Variants in FOXP2 observed in about 807,000 individuals in gnomAD.
The protein encoded by FOXP2 is forkhead box P2.
FOXP2 carries 12 observed loss-of-function variants against 115.8 expected under a neutral mutation model. That is an observed-to-expected ratio of 0.10 (90% confidence interval 0.07 to 0.17). FOXP2 has a LOEUF of 0.17. Ranked by LOEUF, FOXP2 falls within the 10% of genes least tolerant of loss-of-function variation. The pLI is 1.00. For missense variants in FOXP2, 629 were observed against 843.5 expected, an observed-to-expected ratio of 0.75 and a Z score of 3.15; for synonymous variants, 328 against 297.7, an observed-to-expected ratio of 1.10 and a Z score of -1.05.
rs1387268736 is a variant in FOXP2 at position 114,415,013 on chromosome 7, C to T, written c.-358C>T. On this transcript the variant is annotated 5_prime_UTR_variant, in exon 1 of 17. Transcript: ENST00000350908. ...TGGCTCAGTCTTGAACCTTTGTCAC[C>T]CCTCACGTTGCACACCAAAGACATA... 2.2e-6 allele frequency: 1 copy of T among 449,096 alleles called. No individual in the cohort carries two copies. The highest frequency in any genetic ancestry group is 2.4e-5 in the Admixed American group (1 of 42,288). 27.8% of individuals were successfully genotyped at this position (449,096 alleles called of 1,614,324 possible).
At chr7:114,546,232 C>A (rs79639717) in intron 3 of FOXP2, among the ~76,000 whole-genome samples, 2,437 of 152,254 alleles carry the variant, frequency 0.016, 39 homozygotes, top group Non-Finnish European at 0.025. Flanking sequence ...ATGTTTTCAT[C>A]AGCTTTTCCT....
chr7:114,176,298 T>TTA (rs1793303279), intron 1 of FOXP2, among the ~76,000 whole-genome samples: 1 of 76,516 alleles, frequency 1.3e-5, no homozygotes, highest in Non-Finnish European at 2.5e-5. Flanking sequence ...CTTTCTTTCT[T>TTA]TCTCTCTCTC....
At chr7:114,611,700 G>A (rs540639234) in intron 3 of FOXP2, among the ~76,000 whole-genome samples, 5 of 151,890 alleles carry the variant, frequency 3.3e-5, no homozygotes, top group Admixed American at 6.6e-5. Flanking sequence ...CGCTATAATC[G>A]CAATTCCTTT....
chr7:114,540,610 A>G (rs1799608814), intron 3 of FOXP2, among the ~76,000 whole-genome samples: 2 of 152,068 alleles, frequency 1.3e-5, no homozygotes, highest in Admixed American at 1.3e-4. Context: ...AATGGGAAAA[A>G]CAGAAAGAAC....
chr7:114,416,440 A>AAATTCAT (rs1554388540), intron 1 of FOXP2: 5 of 150,114 alleles, frequency 3.3e-5, no homozygotes, highest in African/African-American at 4.9e-5. Context: ...AATAACGCCT[A>AAATTCAT]AATTTCATCC....
At chr7:114,325,734 C>T (rs1047739862) in intron 2 of FOXP2, among the ~76,000 whole-genome samples, 2 of 151,964 alleles carry the variant, frequency 1.3e-5, no homozygotes, top group East Asian at 1.9e-4. Flanking sequence ...GAAATATTTT[C>T]TGTATAGACC....
At chr7:114,593,056 T>TA (rs1175928840) in intron 3 of FOXP2, among the ~76,000 whole-genome samples, 1 of 152,004 alleles carries the variant, frequency 6.6e-6, no homozygotes, top group East Asian at 1.9e-4. Context: ...TATTGACTGC[T>TA]AAAAAATCAT....
chr7:114,642,810 ATATT>A (rs1390438953), intron 7 of FOXP2, among the ~76,000 whole-genome samples, 187 bp downstream of exon 7: 36 of 75,750 alleles, frequency 4.8e-4, no homozygotes, highest in African/African-American at 2.1e-3. Context: ...ATATATATAT[ATATT>A]TTTTTTTTTT....
chr7:114,511,170 A>G (rs1035336127), intron 2 of FOXP2, among the ~76,000 whole-genome samples: 1 of 152,064 alleles, frequency 6.6e-6, no homozygotes, highest in Admixed American at 6.6e-5. Flanking sequence ...ACACATGGAC[A>G]CAGGGAGGGG....
chr7:114,454,990 G>A (rs1795242825), intron 2 of FOXP2, among the ~76,000 whole-genome samples: 1 of 149,102 alleles, frequency 6.7e-6, no homozygotes, highest in South Asian at 2.2e-4. Context: ...TGCACAATGT[G>A]CACATGTACC....
intron 1 of FOXP2, among the ~76,000 whole-genome samples, chr7:114,204,332 T>C (rs1402969400): frequency 6.6e-6 from 1 of 152,188 alleles, no homozygotes; most frequent in Admixed American, 6.5e-5. Context: ...ATAGTTGACA[T>C]TTGTAGCTCA....
At chr7:114,511,101 A>C (rs1158777685) in intron 2 of FOXP2, among the ~76,000 whole-genome samples, 1 of 152,172 alleles carries the variant, frequency 6.6e-6, no homozygotes, top group East Asian at 1.9e-4. Flanking sequence ...AAACTAACAC[A>C]AGAACAGAAA....
chr7:114,176,292 CT>C (rs775684001), intron 1 of FOXP2, among the ~76,000 whole-genome samples: 3 of 46,564 alleles, frequency 6.4e-5, no homozygotes, highest in Admixed American at 2.5e-4. Flanking sequence ...TTCTTTCTTT[CT>C]TTCTTTCTCT....
At chr7:114,548,841 T>C (rs898936726) in intron 3 of FOXP2, among the ~76,000 whole-genome samples, 2 of 152,314 alleles carry the variant, frequency 1.3e-5, no homozygotes, top group East Asian at 3.9e-4. Context: ...AACGTTTGCA[T>C]ATTTTGCAAG....
rs113177044 is a variant in FOXP2 at position 114,250,578 on chromosome 7, C to G, written c.-101-37441C>G. Among the ~76,000 whole-genome samples the G allele has an allele frequency of 2.1e-3, 312 of 152,186 alleles. 2 individuals carry two copies. Among genetic ancestry groups the G allele is most frequent in the African/African-American group, 4.0e-3 (168 of 41,538 alleles). Reference sequence around the variant, plus strand: ...TGAGCATTTTTTCATGTGTCTGTTGCCTGCATAAATGTCTTATTTTGAGAA... The same window carrying G: ...TGAGCATTTTTTCATGTGTCTGTTGGCTGCATAAATGTCTTATTTTGAGAA... On this transcript the variant is annotated intron_variant, in intron 1 of 17. Coordinates refer to the FOXP2 transcript ENST00000634411.
chr7:114,594,078 A>T (rs1354489550), intron 3 of FOXP2, among the ~76,000 whole-genome samples: 1 of 152,070 alleles, frequency 6.6e-6, no homozygotes. Context: ...CATTTCAAAA[A>T]ACAAAAAATA....
chr7:114,354,585 T>A (rs1791571039), intron 2 of FOXP2, among the ~76,000 whole-genome samples: 3 of 152,156 alleles, frequency 2.0e-5, no homozygotes, highest in Admixed American at 2.0e-4. Flanking sequence ...TAAGCTTAAA[T>A]CCCTTCCATC....
intron 2 of FOXP2, among the ~76,000 whole-genome samples, chr7:114,514,978 T>C (rs911659618): frequency 8.6e-5 from 13 of 151,786 alleles, no homozygotes; most frequent in African/African-American, 3.2e-4. Context: ...TTTGGTTTTT[T>C]GTTCTTGCAA....
At chr7:114,687,848 A>G (rs1156731116) in intron 16 of FOXP2, among the ~76,000 whole-genome samples, 2 of 152,164 alleles carry the variant, frequency 1.3e-5, no homozygotes, top group African/African-American at 4.8e-5. Context: ...TTTATTTACT[A>G]TGTAATGAGT....
Sources: allele counts gnomAD v4.1 joint callset (sites outside exome capture counted in the v4.1 genomes callset), GRCh38; gene constraint gnomAD v4.1.1; transcripts MANE v1.5; gene names NCBI Gene and HGNC (gene_info 2026-07-23, HGNC 2026-07-21).